Variants in PCBP3 observed in about 807,000 individuals in gnomAD.
The protein encoded by PCBP3 is poly(rC) binding protein 3.
In PCBP3, 25 loss-of-function variants were observed where a neutral mutation model predicts 52.7. That is an observed-to-expected ratio of 0.47 (90% CI 0.35 to 0.66). PCBP3 has a LOEUF of 0.66. Ranked by LOEUF, PCBP3 falls within the 30% of genes least tolerant of loss-of-function variation. The pLI is 0.01. For synonymous variants in PCBP3, 162 were observed against 183.0 expected (o/e 0.89, Z 0.93); for missense variants, 391 against 490.3 (o/e 0.80, Z 1.91).
intron 15 of PCBP3, among the ~76,000 whole-genome samples, chr21:45,931,205 T>C (rs901676577): frequency 6.6e-6 from 1 of 152,244 alleles, no homozygotes; most frequent in Non-Finnish European, 1.5e-5. Flanking sequence ...TGCATTAAAA[T>C]GTTCATTCCT....
chr21:45,826,518 C>T (rs1037910472), intron 4 of PCBP3, among the ~76,000 whole-genome samples: 3 of 152,186 alleles, frequency 2.0e-5, no homozygotes, highest in African/African-American at 4.8e-5. Context: ...GAAGCAGATG[C>T]GTGGCCTTCA....
At chr21:45,878,843 A>G (rs1457257378) in intron 5 of PCBP3, among the ~76,000 whole-genome samples, 1 of 152,226 alleles carries the variant, frequency 6.6e-6, no homozygotes, top group East Asian at 1.9e-4. Context: ...AATGAGCAAC[A>G]CACACCAACC....
intron 13 of PCBP3, among the ~76,000 whole-genome samples, chr21:45,920,840 C>T (rs536858497): frequency 1.3e-5 from 2 of 152,238 alleles, no homozygotes; most frequent in South Asian, 2.1e-4. Context: ...CTCCAGTTTC[C>T]AGCCCCCATA....
At chr21:45,840,288 T>TA (rs1390502351) in intron 4 of PCBP3, among the ~76,000 whole-genome samples, 4 of 150,120 alleles carry the variant, frequency 2.7e-5, no homozygotes, top group South Asian at 4.2e-4. Context: ...CTGTCTCTAC[T>TA]AAAAAAAAAT....
chr21:45,840,970 G>A (rs1603448977), intron 4 of PCBP3, among the ~76,000 whole-genome samples: 1 of 152,140 alleles, frequency 6.6e-6, no homozygotes, highest in Non-Finnish European at 1.5e-5. Flanking sequence ...GTTTAGGTAT[G>A]TTTAGATACA....
At chr21:45,816,922 T>C (rs2092982714) in intron 4 of PCBP3, among the ~76,000 whole-genome samples, 1 of 152,016 alleles carries the variant, frequency 6.6e-6, no homozygotes, top group African/African-American at 2.4e-5. Context: ...TACACCAGTA[T>C]CACCACAGGC....
chr21:45,661,588 C>T (rs1004298606), intron 1 of PCBP3, among the ~76,000 whole-genome samples: 4 of 152,164 alleles, frequency 2.6e-5, no homozygotes, highest in African/African-American at 9.7e-5. Flanking sequence ...CCATATCTTT[C>T]TATCATGAAT....
chr21:45,926,453 C>T (rs1021387730), intron 13 of PCBP3, among the ~76,000 whole-genome samples: 2 of 152,172 alleles, frequency 1.3e-5, no homozygotes, highest in South Asian at 4.1e-4. Flanking sequence ...AGGCAGGTCC[C>T]GCAGGAGGTG....
chr21:45,737,188 C>T lies in PCBP3; in HGVS notation c.-162+1759C>T, dbSNP rs770791050. ...TCTCACAGGTCATCCCGAGGCTGCTCTCAGTCCACGTGGCGTCGGGGCTGA... is the reference window on the plus strand; with the variant it reads ...TCTCACAGGTCATCCCGAGGCTGCTTTCAGTCCACGTGGCGTCGGGGCTGA... On this transcript the variant is annotated intron_variant, in intron 3 of 17. Coordinates refer to ENST00000681687, the MANE Select transcript of PCBP3 (RefSeq NM_001384156.1). The surrounding 1 kb of genome is among the most constrained non-coding windows in gnomAD (Gnocchi z 4.9). Among the ~76,000 whole-genome samples, 1 of 152,128 alleles carries T rather than the reference C, an allele frequency of 6.6e-6. No homozygotes were observed. The highest frequency in any genetic ancestry group is 1.5e-5 in the Non-Finnish European group (1 of 68,016).
intron 2 of PCBP3, among the ~76,000 whole-genome samples, chr21:45,722,315 A>G (rs9977795): frequency 0.68 from 104,125 of 152,134 alleles, 37,065 homozygotes; most frequent in African/African-American, 0.88. Flanking sequence ...TGTGTGTAGA[A>G]GTACAACCAA....
At chr21:45,895,086 G>A (rs1333762116) in intron 5 of PCBP3, among the ~76,000 whole-genome samples, 1 of 152,184 alleles carries the variant, frequency 6.6e-6, no homozygotes, top group Admixed American at 6.5e-5. Flanking sequence ...GTGCATCCCT[G>A]GCTGTGGCTC....
chr21:45,748,357 C>T (rs1259759841), intron 3 of PCBP3, among the ~76,000 whole-genome samples: 3 of 152,024 alleles, frequency 2.0e-5, no homozygotes, highest in African/African-American at 7.2e-5. Context: ...CGCCATAGGC[C>T]CTGTGTGAAT....
chr21:45,670,319 A>G (rs945683468), intron 2 of PCBP3, among the ~76,000 whole-genome samples: 1 of 152,082 alleles, frequency 6.6e-6, no homozygotes. Flanking sequence ...GGTTTTTGTT[A>G]TTATACAAGT....
intron 2 of PCBP3, among the ~76,000 whole-genome samples, chr21:45,726,618 G>T (rs938459219): frequency 2.6e-5 from 4 of 152,160 alleles, no homozygotes; most frequent in Non-Finnish European, 5.9e-5. Flanking sequence ...TCCCTGTGTC[G>T]CAGACAGTGC....
intron 5 of PCBP3, among the ~76,000 whole-genome samples, chr21:45,885,467 A>G (rs1179844344): frequency 2.0e-5 from 3 of 152,038 alleles, no homozygotes; most frequent in East Asian, 1.9e-4. Flanking sequence ...TTATTTTTTC[A>G]AGAGCCTTTA....
In PCBP3 at chr21:45,934,600, T is replaced by G. The variant is rs150495958; in HGVS notation, c.857-653T>G. On this transcript the variant is annotated intron_variant, in intron 15 of 17. Transcript: ENST00000681687. ...GCTCAGTGATGCCATTAGGTCTCCT[T>G]GCTCCAAATTGGAAGAACTGCCTGG... 1.6e-3 allele frequency among the ~76,000 whole-genome samples: 246 copies of G among 152,320 alleles called. 4 individuals carry two copies. Among genetic ancestry groups the G allele is most frequent in the Non-Finnish European group, 3.2e-4 (22 of 68,028 alleles).
Position 45,805,897 on chromosome 21 carries a change from G to T in PCBP3, c.-125-44064G>T, listed in dbSNP as rs999876506. ...GAAAGGAGGGCGAGAGCAGAGCTGG[G>T]GGGGCGGGCCATGAGGGGAAGTCCA... On this transcript the variant is annotated intron_variant, in intron 4 of 17. Coordinates refer to ENST00000681687, the MANE Select transcript of PCBP3 (RefSeq NM_001384156.1). The surrounding 1 kb of genome is among the most constrained non-coding windows in gnomAD (Gnocchi z 4.6). Among the ~76,000 whole-genome samples, 14 of 152,202 alleles carry T rather than the reference G, an allele frequency of 9.2e-5. No homozygotes were observed. The highest frequency in any genetic ancestry group is 3.4e-4 in the African/African-American group (14 of 41,454).
Position 45,917,497 on chromosome 21 carries a change from G to C in PCBP3, c.676-91G>C, listed in dbSNP as rs117264071. The C allele has an allele frequency of 5.1e-6, 5 of 976,640 alleles. No homozygotes were observed. The South Asian group carries it at 6.6e-5, about 13-fold the overall frequency. The allele number at this position is 976,640 out of a possible 1,614,324, so 60.5% of individuals were successfully genotyped here. Reference sequence around the variant, plus strand: ...GGCACACGAGGGGGAAGCTTCTACCGGAGGGTCCTTGTCATGCTGGAGGGT... The same window carrying C: ...GGCACACGAGGGGGAAGCTTCTACCCGAGGGTCCTTGTCATGCTGGAGGGT... On this transcript the variant is annotated intron_variant, in intron 12 of 17. Coordinates refer to ENST00000681687, the MANE Select transcript of PCBP3 (RefSeq NM_001384156.1). The surrounding 1 kb of genome is among the most constrained non-coding windows in gnomAD (Gnocchi z 5.3).
intron 2 of PCBP3, among the ~76,000 whole-genome samples, chr21:45,713,193 A>G (rs189119919): frequency 5.6e-4 from 86 of 152,288 alleles, no homozygotes; most frequent in Non-Finnish European, 8.2e-4. Flanking sequence ...ACATGCCACT[A>G]CTGCTAAAAA....
Sources: allele counts gnomAD v4.1 joint callset (sites outside exome capture counted in the v4.1 genomes callset), GRCh38; gene constraint gnomAD v4.1.1; non-coding constraint Gnocchi (gnomAD v3.1); transcripts MANE v1.5; gene names NCBI Gene and HGNC (gene_info 2026-07-23, HGNC 2026-07-21).